COL14A1: variants seen among roughly 807,000 people sequenced by gnomAD.
The protein encoded by COL14A1 is collagen type XIV alpha 1 chain, also known as collagen alpha-1(XIV) chain.
A neutral mutation model predicts 230.3 loss-of-function variants in COL14A1; 136 were observed. The ratio of observed to expected loss-of-function variants is 0.59; its 90% confidence interval spans 0.51 to 0.68. The LOEUF is 0.68. Among genes scored for constraint, COL14A1 ranks in the 30% least tolerant of loss-of-function variants. COL14A1 has a pLI of 0.00. For synonymous variants in COL14A1, 792 were observed against 784.1 expected (o/e 1.01, Z -0.17); for missense variants, 1,976 against 2,215.8 (o/e 0.89, Z 2.17).
At chr8:120,215,305 A>G (rs1817717475) in intron 13 of COL14A1, among the ~76,000 whole-genome samples, 1 of 152,036 alleles carries the variant, frequency 6.6e-6, no homozygotes, top group African/African-American at 2.4e-5. Context: ...TGGGAGGTGG[A>G]GTTTGCAGTA....
At chr8:120,199,902 C>T (rs1817172585) in intron 8 of COL14A1, among the ~76,000 whole-genome samples, 1 of 151,960 alleles carries the variant, frequency 6.6e-6, no homozygotes, top group Admixed American at 6.6e-5. Flanking sequence ...ATAGCTATCT[C>T]TTTTCTGGTA....
chr8:120,202,810 C>A (rs1817293275), intron 8 of COL14A1, among the ~76,000 whole-genome samples: 1 of 151,748 alleles, frequency 6.6e-6, no homozygotes, highest in Non-Finnish European at 1.5e-5. Context: ...GTATTCCAGA[C>A]ACCCAACTTT....
chr8:120,283,112 C>A (rs1424060067), intron 31 of COL14A1, among the ~76,000 whole-genome samples: 1 of 152,154 alleles, frequency 6.6e-6, no homozygotes, highest in African/African-American at 2.4e-5. Context: ...TGTCTGAAAC[C>A]TGTCTGCAGA....
chr8:120,260,775 T>C (rs902277579), intron 23 of COL14A1, among the ~76,000 whole-genome samples: 4 of 152,220 alleles, frequency 2.6e-5, no homozygotes, highest in African/African-American at 9.6e-5. Flanking sequence ...GCCACCCAAG[T>C]AGGCTCTGTG....
intron 5 of COL14A1, among the ~76,000 whole-genome samples, chr8:120,186,905 A>G (rs1389935222): frequency 6.6e-6 from 1 of 152,236 alleles, no homozygotes; most frequent in Non-Finnish European, 1.5e-5. Context: ...AGTCAGGCAG[A>G]TAGAAATGGA....
chr8:120,278,018 A>C (rs1470108574), intron 26 of COL14A1, 93 bp from the exon 27 acceptor site: 23 of 1,158,052 alleles, frequency 2.0e-5, no homozygotes, highest in Non-Finnish European at 2.6e-5. Context: ...GAGATAATGA[A>C]GAAATTAAAA....
chr8:120,302,457 A>G (rs917394122), intron 36 of COL14A1, among the ~76,000 whole-genome samples: 3 of 152,144 alleles, frequency 2.0e-5, no homozygotes, highest in Non-Finnish European at 4.4e-5. Flanking sequence ...TCTTCTGCAT[A>G]TGGCTAGCCA....
intron 40 of COL14A1, among the ~76,000 whole-genome samples, chr8:120,317,500 G>A (rs1306886568): frequency 6.6e-6 from 1 of 152,208 alleles, no homozygotes; most frequent in East Asian, 1.9e-4. Context: ...TCTTGTACAT[G>A]TGGAAGCAGC....
In COL14A1 at chr8:120,283,620, T is replaced by C; in HGVS notation, c.3825-16T>C. On this transcript the variant is annotated splice_polypyrimidine_tract_variant and intron_variant, in intron 31 of 47. Coordinates refer to ENST00000297848, the MANE Select transcript of COL14A1 (RefSeq NM_021110.4). Reference sequence around the variant, plus strand: ...AGGAAGGATACAATGAAACATGGTTTTCTTTCTATGTTCAGGTACTTGCAC... The same window carrying C: ...AGGAAGGATACAATGAAACATGGTTCTCTTTCTATGTTCAGGTACTTGCAC... 1 of 1,579,380 alleles carries C rather than the reference T, an allele frequency of 6.3e-7. No homozygotes were observed. Among genetic ancestry groups the C allele is most frequent in the African/African-American group, 1.4e-5 (1 of 72,996 alleles).
chr8:120,367,131 A>T (rs1034193163), intron 45 of COL14A1, 40 bp from the exon 46 acceptor site: 2 of 1,489,902 alleles, frequency 1.3e-6, no homozygotes, highest in Admixed American at 4.4e-5. Context: ...ATTTTCTTTT[A>T]AAAAGAACTT....
chr8:120,141,763 G>A (rs574196986), intron 1 of COL14A1, among the ~76,000 whole-genome samples: 7 of 152,172 alleles, frequency 4.6e-5, no homozygotes, highest in Non-Finnish European at 8.8e-5. Flanking sequence ...CTGCTTTGAT[G>A]AGAATAGAGA....
chr8:120,248,917 C>CTTTTT (rs71571673), intron 21 of COL14A1, among the ~76,000 whole-genome samples: 2,937 of 84,148 alleles, frequency 0.035, 743 homozygotes, highest in African/African-American at 0.12. Flanking sequence ...TTCAATCTTT[C>CTTTTT]TTTTTTTTTT....
chr8:120,250,745 C>G lies in COL14A1; in HGVS notation c.2731C>G (p.Leu911Val), dbSNP rs745927592. 2 of 1,614,078 alleles carry G rather than the reference C, an allele frequency of 1.2e-6. No individual in the cohort carries two copies. Among genetic ancestry groups the G allele is most frequent in the African/African-American group, 2.7e-5 (2 of 74,940 alleles). Reference sequence around the variant, plus strand: ...CCAGGCCTCAGGCTTCAGCGACGCCCTGACAGGCATGGTGAAAACATGTAA... The same window carrying G: ...CCAGGCCTCAGGCTTCAGCGACGCCGTGACAGGCATGGTGAAAACATGTAA... ...ASQASGFSDA[L>V]TGMVKTLFLG... The change falls in exon 22 of 48, where the codon CTG becomes GTG. Residue 911 changes from leucine (L) to valine (V), a missense_variant. Coordinates refer to ENST00000297848, the MANE Select transcript of COL14A1 (RefSeq NM_021110.4).
chr8:120,290,513 T>C (rs1820341137), intron 34 of COL14A1, among the ~76,000 whole-genome samples: 1 of 151,966 alleles, frequency 6.6e-6, no homozygotes, highest in Non-Finnish European at 1.5e-5. Context: ...TTGTAAACAA[T>C]CCCAACTGTT....
chr8:120,255,368 C>T lies in COL14A1; in HGVS notation c.2869+12C>T, dbSNP rs369306652. 3.1e-5 allele frequency: 49 copies of T among 1,573,690 alleles called. No individual in the cohort carries two copies. The highest frequency in any genetic ancestry group is 2.4e-4 in the African/African-American group (18 of 74,182). On this transcript the variant is annotated intron_variant, in intron 23 of 47. Transcript: ENST00000297848. ...AGAATCCCTCCAGGGTGAGTACAAT[C>T]CATCACTTACGTTTTTGTCAAGCAT...
intron 46 of COL14A1, among the ~76,000 whole-genome samples, chr8:120,367,828 C>T (rs1313615085): frequency 1.3e-5 from 2 of 151,774 alleles, no homozygotes; most frequent in Non-Finnish European, 2.9e-5. Context: ...GCTTGTAGTC[C>T]CAGCTACTTG....
Position 120,332,163 on chromosome 8 carries a change from C to T in COL14A1, c.4682C>T (p.Ser1561Phe). Residue 1561 changes from serine (S) to phenylalanine (F), a missense_variant, in exon 41 of 48, where the codon TCC becomes TTC. By Grantham distance (155) the Ser-to-Phe change is radical. Around this residue, in one of 3 missense-constraint regions of COL14A1, gnomAD observed 1,791 missense variants for 2,019.5 expected, o/e 0.89. Coordinates refer to ENST00000297848, the MANE Select transcript of COL14A1 (RefSeq NM_021110.4). The stretch of plus-strand genomic sequence containing the variant: ...CAGGGCCTTCCGGGAAAGGATGGAT[C>T]CTCGGGACCTCCAGGACCACCAGGG... ...GQRGLPGKDG[S>F]SGPPGPPGPI... 6.2e-7 allele frequency: 1 copy of T among 1,614,090 alleles called. No individual in the cohort carries two copies. The highest frequency in any genetic ancestry group is 8.5e-7 in the Non-Finnish European group (1 of 1,179,970).
intron 12 of COL14A1, among the ~76,000 whole-genome samples, chr8:120,211,304 G>A (rs955921151): frequency 6.6e-6 from 1 of 152,104 alleles, no homozygotes. Context: ...TATCATAAAG[G>A]AATTAATGAT....
intron 45 of COL14A1, among the ~76,000 whole-genome samples, chr8:120,354,526 G>T (rs1366863800): frequency 1.3e-5 from 2 of 151,802 alleles, no homozygotes; most frequent in Non-Finnish European, 2.9e-5. Context: ...TTTCATGTTC[G>T]CAATGTGATG....
Sources: gnomAD v4.1 joint callset for allele counts (sites outside exome capture counted in the v4.1 genomes callset) on GRCh38, gnomAD v4.1.1 for gene constraint, gnomAD v4.1.1 regional missense constraint, MANE v1.5 for transcripts, NCBI Gene and HGNC (gene_info 2026-07-23, HGNC 2026-07-21) for gene names.